The following EPHA5 variants were observed in gnomAD, a reference collection of about 807,000 sequenced individuals.
The protein encoded by EPHA5 is EPH receptor A5.
EPHA5 carries 60 observed loss-of-function variants against 105.0 expected under a neutral mutation model. That is an observed-to-expected ratio of 0.57 (90% CI 0.46 to 0.71). The LOEUF is 0.71. EPHA5 is among the 30% of genes least tolerant of loss of function. The pLI, the probability that EPHA5 is intolerant of heterozygous loss-of-function variation, is 0.00. For synonymous variants in EPHA5, 513 were observed against 449.1 expected, an observed-to-expected ratio of 1.14 and a Z score of -1.80; for missense variants, 1,218 against 1,274.7, an observed-to-expected ratio of 0.96 and a Z score of 0.68.
At chr4:65,331,763 T>C (rs1443949468) in intron 16 of EPHA5, 2 of 1,235,038 alleles carry the variant, frequency 1.6e-6, no homozygotes, top group South Asian at 3.7e-5. Flanking sequence ...GCCAATGTTA[T>C]TTGTTTGAAG....
chr4:65,354,520 A>G (rs1289314094), intron 11 of EPHA5, among the ~76,000 whole-genome samples: 4 of 151,758 alleles, frequency 2.6e-5, no homozygotes, highest in Non-Finnish European at 4.4e-5. Flanking sequence ...GAAAACAGAG[A>G]CCTATGATAA....
At chr4:65,482,531 G>A (rs1231709104) in intron 5 of EPHA5, among the ~76,000 whole-genome samples, 2 of 152,022 alleles carry the variant, frequency 1.3e-5, no homozygotes, top group African/African-American at 2.4e-5. Context: ...GGGTGGACAC[G>A]GATCTCATAA....
intron 3 of EPHA5, among the ~76,000 whole-genome samples, chr4:65,567,539 G>T (rs561009390): frequency 8.6e-5 from 13 of 151,656 alleles, no homozygotes; most frequent in African/African-American, 3.1e-4. Context: ...TCAAGTACAA[G>T]TTGGTGATAG....
intron 3 of EPHA5, among the ~76,000 whole-genome samples, chr4:65,569,065 G>A (rs1003825892): frequency 2.6e-5 from 4 of 151,224 alleles, no homozygotes; most frequent in Admixed American, 1.3e-4. Flanking sequence ...TACTTACTAT[G>A]CAAACATGCC....
intron 8 of EPHA5, among the ~76,000 whole-genome samples, chr4:65,402,628 A>G (rs1188051572): frequency 6.6e-6 from 1 of 152,156 alleles, no homozygotes; most frequent in Non-Finnish European, 1.5e-5. Context: ...ACACACAACA[A>G]ATACAGAATC....
chr4:65,468,668 T>A (rs1728990161), intron 5 of EPHA5, among the ~76,000 whole-genome samples: 2 of 10,804 alleles, frequency 1.9e-4, no homozygotes, highest in African/African-American at 3.1e-4. Context: ...AAAATATATA[T>A]AACATATATA....
chr4:65,616,391 A>G (rs556830018), intron 2 of EPHA5, among the ~76,000 whole-genome samples: 3 of 150,972 alleles, frequency 2.0e-5, no homozygotes, highest in African/African-American at 7.3e-5. Flanking sequence ...TGACTACACA[A>G]ACTTACACAG....
At chr4:65,569,213 C>A (rs1739869211) in intron 3 of EPHA5, among the ~76,000 whole-genome samples, 1 of 151,478 alleles carries the variant, frequency 6.6e-6, no homozygotes, top group East Asian at 1.9e-4. Flanking sequence ...AGTTGTTTAA[C>A]CCCAAATAAA....
intron 8 of EPHA5, among the ~76,000 whole-genome samples, chr4:65,370,735 AG>A (rs1247485647): frequency 1.3e-5 from 2 of 152,162 alleles, no homozygotes; most frequent in Non-Finnish European, 2.9e-5. Flanking sequence ...TGCATTACCT[AG>A]GGTGAGAGTC....
intron 5 of EPHA5, 144 bp downstream of exon 5, chr4:65,490,232 GT>G (rs1560599416): frequency 3.1e-6 from 2 of 642,154 alleles, no homozygotes; most frequent in East Asian, 5.5e-5. Context: ...CTGCAAAAGC[GT>G]TTTTGATGTG....
At chr4:65,635,951 CAG>C (rs945059477) in intron 2 of EPHA5, among the ~76,000 whole-genome samples, 1 of 152,080 alleles carries the variant, frequency 6.6e-6, no homozygotes, top group African/African-American at 2.4e-5. Context: ...ATTTATTTTA[CAG>C]AGTCTATTGG....
chr4:65,325,758 C>G (rs1354879833), intron 16 of EPHA5, among the ~76,000 whole-genome samples: 2 of 151,180 alleles, frequency 1.3e-5, no homozygotes, highest in Admixed American at 1.3e-4. Flanking sequence ...CTCTTTTCAA[C>G]TAAACCAGAG....
At chr4:65,506,981 A>T (rs1419471563) in intron 3 of EPHA5, among the ~76,000 whole-genome samples, 2 of 152,058 alleles carry the variant, frequency 1.3e-5, no homozygotes, top group Non-Finnish European at 2.9e-5. Context: ...GTTTTCTTCT[A>T]GGGTTTCTAT....
intron 6 of EPHA5, among the ~76,000 whole-genome samples, chr4:65,419,938 A>T (rs1191311698): frequency 6.6e-6 from 1 of 152,122 alleles, no homozygotes; most frequent in Non-Finnish European, 1.5e-5. Flanking sequence ...TGATGCATAC[A>T]TTTTTTATTT....
chr4:65,616,080 T>C (rs76177134), intron 2 of EPHA5, among the ~76,000 whole-genome samples: 4,895 of 151,968 alleles, frequency 0.032, 255 homozygotes, highest in African/African-American at 0.11. Flanking sequence ...TAGTACATTA[T>C]ATATCATGGA....
In EPHA5 at chr4:65,365,129, G is replaced by A. The variant is rs1577925063; in HGVS notation, c.2061C>T (p.Thr687=). 6.2e-7 allele frequency: 1 copy of A among 1,611,578 alleles called. No individual in the cohort carries two copies. Among genetic ancestry groups the A allele is most frequent in the Non-Finnish European group, 8.5e-7 (1 of 1,178,422 alleles). ...GCTTTTCAGTATAGCCTACTTTAAG[G>A]GTTTTGATAGCCACAGGTAATTCTC... is the stretch of plus-strand genomic sequence containing the variant. ...GKRELPVAIK[T]LKVGYTEKQR... Residue 687 remains threonine, a synonymous_variant, in exon 11 of 17, where the codon ACC becomes ACT. Transcript: ENST00000613740.
At chr4:65,516,863 C>T (rs529927968) in intron 3 of EPHA5, among the ~76,000 whole-genome samples, 94 of 152,070 alleles carry the variant, frequency 6.2e-4, no homozygotes, top group African/African-American at 2.2e-3. Flanking sequence ...CACAGTATGA[C>T]AACAATTGTT....
chr4:65,640,163 C>G (rs1350135121), intron 2 of EPHA5, among the ~76,000 whole-genome samples: 2 of 152,114 alleles, frequency 1.3e-5, no homozygotes, highest in Non-Finnish European at 2.9e-5. Context: ...ATTAGATTCT[C>G]CCCCACTCTG....
At chr4:65,410,800 C>T (rs1722840659) in intron 7 of EPHA5, among the ~76,000 whole-genome samples, 1 of 152,076 alleles carries the variant, frequency 6.6e-6, no homozygotes, top group South Asian at 2.1e-4. Context: ...ATTATTTCCT[C>T]ATTCAGACTA....
Sources: gnomAD v4.1 joint callset for allele counts (sites outside exome capture counted in the v4.1 genomes callset) on GRCh38, gnomAD v4.1.1 for gene constraint, MANE v1.5 for transcripts, NCBI Gene and HGNC (gene_info 2026-07-23, HGNC 2026-07-21) for gene names.